Variants in CEP63 observed in about 807,000 individuals in gnomAD.
CEP63 encodes the protein centrosomal protein of 63 kDa.
CEP63 carries 84 observed loss-of-function variants against 89.1 expected under a neutral mutation model. The ratio of observed to expected loss-of-function variants is 0.94; its 90% CI spans 0.79 to 1.13. The LOEUF (loss-of-function observed/expected upper bound fraction) is 1.13. Among genes scored for constraint, CEP63 ranks in the 50% most tolerant of loss-of-function variants. The pLI is 0.00. For missense variants in CEP63, 838 were observed against 813.3 expected (o/e 1.03, Z -0.37); for synonymous variants, 267 against 272.5 (o/e 0.98, Z 0.20).
chr3:134,750,781 AGAAAG>A, the CEP63 span, among the ~76,000 whole-genome samples: 2 of 152,240 alleles, frequency 1.3e-5, no homozygotes, highest in Non-Finnish European at 2.9e-5. Context: ...GGCTGGCAGA[AGAAAG>A]GGGTTTATGT....
At chr3:134,636,403 G>A in the CEP63 span, among the ~76,000 whole-genome samples, 1 of 152,204 alleles carries the variant, frequency 6.6e-6, no homozygotes. Flanking sequence ...ATTAGCACAT[G>A]CCAGAAGTGA....
the CEP63 span, among the ~76,000 whole-genome samples, chr3:134,734,527 AAG>A: frequency 7.9e-5 from 12 of 152,330 alleles, 1 homozygote; most frequent in East Asian, 1.2e-3. Flanking sequence ...ATTAATTAAA[AAG>A]AGAACAATTA....
At chr3:134,681,754 G>A in the CEP63 span, among the ~76,000 whole-genome samples, 1 of 152,254 alleles carries the variant, frequency 6.6e-6, no homozygotes, top group Non-Finnish European at 1.5e-5. Context: ...AAACAAAACA[G>A]ATGTTGCCAT....
chr3:134,639,493 C>T, the CEP63 span, among the ~76,000 whole-genome samples: 2 of 152,330 alleles, frequency 1.3e-5, 1 homozygote, highest in South Asian at 4.1e-4. Context: ...ATGATTCCTT[C>T]TATGGGTTGG....
At chr3:134,749,768 T>C in the CEP63 span, among the ~76,000 whole-genome samples, 1 of 97,514 alleles carries the variant, frequency 1.0e-5, no homozygotes, top group Non-Finnish European at 2.2e-5. Flanking sequence ...AGTGGGATGA[T>C]AAAATGAAAT....
chr3:134,779,271 A>G, the CEP63 span, among the ~76,000 whole-genome samples: 2 of 152,240 alleles, frequency 1.3e-5, no homozygotes, highest in Non-Finnish European at 2.9e-5. Flanking sequence ...ATATTGTCTT[A>G]GAAGTATCTC....
intron 13 of CEP63, 100 bp downstream of exon 13, chr3:134,558,447 A>G (rs1238667223): frequency 1.2e-6 from 1 of 853,110 alleles, no homozygotes; most frequent in African/African-American, 1.7e-5. Flanking sequence ...AATCTTCATC[A>G]AAGGACTCTA....
chr3:134,630,840 GC>G, the CEP63 span, among the ~76,000 whole-genome samples: 1 of 152,248 alleles, frequency 6.6e-6, no homozygotes, highest in Admixed American at 6.5e-5. Context: ...ACAATAACAT[GC>G]CCTAACAAGT....
At chr3:134,611,330 A>G in the CEP63 span, among the ~76,000 whole-genome samples, 1 of 152,206 alleles carries the variant, frequency 6.6e-6, no homozygotes, top group Non-Finnish European at 1.5e-5. Flanking sequence ...CCTGAGGCCC[A>G]GGCCTGGGCT....
chr3:134,761,911 A>G, the CEP63 span, among the ~76,000 whole-genome samples: 1 of 152,154 alleles, frequency 6.6e-6, no homozygotes, highest in African/African-American at 2.4e-5. Context: ...TTTTACCCAC[A>G]ACACTGGACT....
At chr3:134,610,798 A>C in the CEP63 span, 2 of 158,798 alleles carry the variant, frequency 1.3e-5, no homozygotes, top group East Asian at 1.9e-4. Context: ...CAAAACCTAC[A>C]TGTAAGGGGC....
the CEP63 span, chr3:134,779,841 C>A: frequency 1.2e-4 from 19 of 152,300 alleles, no homozygotes; most frequent in Non-Finnish European, 2.2e-4. Flanking sequence ...GTCCCACTGA[C>A]CAGGCTGTAA....
intron 11 of CEP63, among the ~76,000 whole-genome samples, chr3:134,550,629 A>G (rs1954605706): frequency 6.6e-6 from 1 of 152,210 alleles, no homozygotes; most frequent in Non-Finnish European, 1.5e-5. Flanking sequence ...TCTAAGAGAG[A>G]GTAGAAACAC....
chr3:134,560,642 C>T (rs1957179471), intron 14 of CEP63, among the ~76,000 whole-genome samples: 1 of 152,070 alleles, frequency 6.6e-6, no homozygotes, highest in Non-Finnish European at 1.5e-5. Flanking sequence ...CACTTCTGAA[C>T]CTCATGTCTC....
intron 1 of CEP63, among the ~76,000 whole-genome samples, chr3:134,487,408 A>G (rs1056570687): frequency 6.6e-6 from 1 of 152,234 alleles, no homozygotes; most frequent in East Asian, 1.9e-4. Flanking sequence ...ATGCAAATCT[A>G]AAAGTTGTTT....
Position 134,532,630 on chromosome 3 carries a change from T to A in CEP63, c.319-148T>A, listed in dbSNP as rs1172497540. The A allele has an allele frequency of 3.2e-5, 19 of 585,970 alleles. No individual in the cohort carries two copies. The East Asian group carries it at 5.5e-4, about 17-fold the overall frequency. 36.3% of individuals were successfully genotyped at this position (585,970 alleles called of 1,614,324 possible). On this transcript the variant is annotated intron_variant, in intron 4 of 14. Coordinates refer to ENST00000675561, the MANE Select transcript of CEP63 (RefSeq NM_001353108.3). ...GTGTTTGTTTTACATATTTAATTTTTAGTTTCCTTTTGTGTTTTAGTTTGG... is the reference window on the plus strand; with the variant it reads ...GTGTTTGTTTTACATATTTAATTTTAAGTTTCCTTTTGTGTTTTAGTTTGG...
At chr3:134,656,440 G>A in the CEP63 span, among the ~76,000 whole-genome samples, 7 of 152,226 alleles carry the variant, frequency 4.6e-5, no homozygotes, top group African/African-American at 1.4e-4. Context: ...AGCTTCAGCT[G>A]CCCATCTGAG....
At chr3:134,529,472 C>G (rs1949421689) in intron 3 of CEP63, among the ~76,000 whole-genome samples, 1 of 150,968 alleles carries the variant, frequency 6.6e-6, no homozygotes, top group Non-Finnish European at 1.5e-5. Flanking sequence ...TCCTGAGTGG[C>G]TGGGATTACA....
downstream of CEP63, among the ~76,000 whole-genome samples, chr3:134,578,221 A>C (rs891831291): frequency 2.6e-5 from 4 of 151,946 alleles, no homozygotes; most frequent in African/African-American, 9.7e-5. Context: ...GGTTGAACTA[A>C]TTTACATTAC....
Sources: gnomAD v4.1 joint callset for allele counts (sites outside exome capture counted in the v4.1 genomes callset) on GRCh38, gnomAD v4.1.1 for gene constraint, MANE v1.5 for transcripts, NCBI Gene and HGNC (gene_info 2026-07-23, HGNC 2026-07-21) for gene names.